The following FYB2 variants were observed in gnomAD, a reference collection of about 807,000 sequenced individuals.
FYB2 encodes FYN-binding protein 2.
In FYB2, 103 loss-of-function variants were observed where a neutral mutation model predicts 94.1. The observed-to-expected ratio is 1.09, with a 90% CI of 0.93 to 1.29. FYB2 has a LOEUF of 1.29. Among genes scored for constraint, FYB2 ranks in the 50% most tolerant of loss-of-function variants. FYB2 has a pLI of 0.00. For synonymous variants in FYB2, 293 were observed against 287.9 expected (o/e 1.02, Z -0.18); for missense variants, 896 against 841.5 (o/e 1.06, Z -0.80).
chr1:56,791,260 CT>C (rs34101290), intron 2 of FYB2, among the ~76,000 whole-genome samples: 7,087 of 143,660 alleles, frequency 0.049, 505 homozygotes, highest in African/African-American at 0.15. Flanking sequence ...CAGTCCTTAT[CT>C]TTTTTTTTTT....
In FYB2 at chr1:56,719,243, G is replaced by C. The variant is rs1644441036; in HGVS notation, c.*428C>G. On this transcript the variant is annotated 3_prime_UTR_variant, in exon 20 of 20. Transcript: ENST00000343433. ...AAAGACCTTGGTTACACTGTTTACT[G>C]TTCAGAATTAAATTATACCAAGTTT... 1 of 158,980 alleles carries C rather than the reference G, an allele frequency of 6.3e-6. No individual in the cohort carries two copies. Among genetic ancestry groups the C allele is most frequent in the African/African-American group, 2.4e-5 (1 of 41,574 alleles). 9.8% of individuals were successfully genotyped at this position (158,980 alleles called of 1,614,324 possible).
chr1:56,740,573 G>T, intron 13 of FYB2, 124 bp downstream of exon 13: 2 of 545,498 alleles, frequency 3.7e-6, no homozygotes, highest in Admixed American at 3.6e-5. Flanking sequence ...GCAGATGATG[G>T]CCAGACCCTT....
At chr1:56,743,304 A>G (rs1312576180) in intron 11 of FYB2, among the ~76,000 whole-genome samples, 1 of 152,068 alleles carries the variant, frequency 6.6e-6, no homozygotes, top group Non-Finnish European at 1.5e-5. Flanking sequence ...AATGGTATGT[A>G]TAAAGAAGGT....
chr1:56,732,259 A>T (rs1269137590), intron 15 of FYB2, among the ~76,000 whole-genome samples: 1 of 152,210 alleles, frequency 6.6e-6, no homozygotes, highest in African/African-American at 2.4e-5. Context: ...AATACATAGG[A>T]ATAAATTTAG....
intron 4 of FYB2, among the ~76,000 whole-genome samples, chr1:56,786,090 C>T (rs952144715): frequency 6.6e-6 from 1 of 152,116 alleles, no homozygotes; most frequent in African/African-American, 2.4e-5. Context: ...AGTCAAGGTG[C>T]CCACCATCCC....
chr1:56,719,349 G>T lies in FYB2; in HGVS notation c.*322C>A. 3.8e-6 allele frequency: 1 copy of T among 261,748 alleles called. No homozygotes were observed. Among genetic ancestry groups the T allele is most frequent in the Non-Finnish European group, 7.3e-6 (1 of 137,594 alleles). The allele number at this position is 261,748 out of a possible 1,614,324, so 16.2% of individuals were successfully genotyped here. A position where few individuals can be genotyped will look rare whatever the true frequency, so the allele number is the denominator to read the frequency against. The stretch of plus-strand genomic sequence containing the variant: ...TAACCATCTGCACAACTGACTAGGT[G>T]CCATAAGGCATGATTTCTAACTTTG... On this transcript the variant is annotated 3_prime_UTR_variant, in exon 20 of 20. Transcript: ENST00000343433.
intron 1 of FYB2, among the ~76,000 whole-genome samples, chr1:56,806,176 G>A (rs1009196898): frequency 2.0e-5 from 3 of 152,150 alleles, no homozygotes; most frequent in Non-Finnish European, 4.4e-5. Context: ...ATAAACAGAC[G>A]ATGACAACAC....
At chr1:56,728,875 G>A (rs1644641632) in intron 15 of FYB2, among the ~76,000 whole-genome samples, 1 of 152,044 alleles carries the variant, frequency 6.6e-6, no homozygotes, top group Non-Finnish European at 1.5e-5. Context: ...TATCTCTTTT[G>A]TTCACTGCTC....
intron 4 of FYB2, among the ~76,000 whole-genome samples, chr1:56,776,296 G>T (rs1206186733): frequency 6.6e-6 from 1 of 152,124 alleles, no homozygotes; most frequent in African/African-American, 2.4e-5. Context: ...TGGGGAAAAT[G>T]TTATGGGGAA....
At chr1:56,814,897 T>C (rs1046664342) in intron 1 of FYB2, among the ~76,000 whole-genome samples, 1 of 152,158 alleles carries the variant, frequency 6.6e-6, no homozygotes, top group Non-Finnish European at 1.5e-5. Context: ...CATTTAGACC[T>C]GGGTTCTGTC....
At chr1:56,795,787 C>T (rs1384300099) in intron 1 of FYB2, among the ~76,000 whole-genome samples, 2 of 152,166 alleles carry the variant, frequency 1.3e-5, no homozygotes, top group Non-Finnish European at 2.9e-5. Flanking sequence ...ATTTTAGTCT[C>T]TGTAGGATTA....
At chr1:56,820,226 CAA>C (rs112651204), upstream of FYB2, among the ~76,000 whole-genome samples, 4 of 122,652 alleles carry the variant, frequency 3.3e-5, no homozygotes, top group South Asian at 3.0e-4. Context: ...GACTCCGTCT[CAA>C]AAAAAAAAAA....
chr1:56,751,666 C>T (rs542780015), intron 8 of FYB2, among the ~76,000 whole-genome samples: 1 of 152,104 alleles, frequency 6.6e-6, no homozygotes, highest in Admixed American at 6.5e-5. Context: ...TTTTTGCCTA[C>T]ATTTTGTCTT....
chr1:56,722,975 G>A (rs2100484449), intron 17 of FYB2, among the ~76,000 whole-genome samples: 1 of 152,088 alleles, frequency 6.6e-6, no homozygotes. Flanking sequence ...TTGAGCTTTA[G>A]AATAATGAAA....
At chr1:56,784,810 A>G (rs1039191946) in intron 4 of FYB2, among the ~76,000 whole-genome samples, 24 of 152,140 alleles carry the variant, frequency 1.6e-4, no homozygotes, top group Non-Finnish European at 3.2e-4. Context: ...GATCAACTAC[A>G]TGTCAGAACG....
rs570842875 is a variant in FYB2 at position 56,720,034 on chromosome 1, T to C, written c.2153A>G (p.His718Arg). Reference protein sequence around the residue: ...KGKYGYVLIEHLDFKHQSWSP With the variant: ...KGKYGYVLIERLDFKHQSWSP Reference sequence around the variant, plus strand: ...TCAAACAGCTTACTTGAAATCTAGATGTTCAATGAGCACATATCCATCTAA... The same window carrying C: ...TCAAACAGCTTACTTGAAATCTAGACGTTCAATGAGCACATATCCATCTAA... The change falls in exon 19 of 20, where the codon CAT becomes CGT. Residue 718 changes from histidine to arginine, a missense_variant. His to Arg is a conservative substitution (Grantham distance 29). Transcript: ENST00000343433. The C allele has an allele frequency of 2.4e-5, 39 of 1,601,660 alleles. No homozygotes were observed. Among genetic ancestry groups the C allele is most frequent in the South Asian group, 6.8e-5 (6 of 88,314 alleles).
At chr1:56,783,030 T>TA (rs1191633093) in intron 4 of FYB2, among the ~76,000 whole-genome samples, 1 of 152,116 alleles carries the variant, frequency 6.6e-6, no homozygotes, top group African/African-American at 2.4e-5. Context: ...GCCAGCTTGG[T>TA]TTGCATAAAA....
intron 5 of FYB2, among the ~76,000 whole-genome samples, chr1:56,761,349 C>T (rs777649905): frequency 6.6e-5 from 10 of 152,140 alleles, no homozygotes; most frequent in Admixed American, 1.3e-4. Flanking sequence ...ATTTTACTGA[C>T]GAGGAAACAG....
chr1:56,774,743 G>A (rs903022716), intron 4 of FYB2, among the ~76,000 whole-genome samples: 5 of 151,986 alleles, frequency 3.3e-5, no homozygotes, highest in African/African-American at 1.2e-4. Context: ...ATTACCAAAG[G>A]GGATTAACAT....
Sources: allele counts gnomAD v4.1 joint callset (sites outside exome capture counted in the v4.1 genomes callset), GRCh38; gene constraint gnomAD v4.1.1; transcripts MANE v1.5; gene names NCBI Gene and HGNC (gene_info 2026-07-23, HGNC 2026-07-21).